The following SAMTOR variants were observed in gnomAD, a reference collection of about 807,000 sequenced individuals.
SAMTOR encodes UPF0532 protein C7orf60.
At chr7:112,939,334 G>T in the SAMTOR span, 5 of 559,420 alleles carry the variant, frequency 8.9e-6, no homozygotes, top group African/African-American at 9.6e-5. Flanking sequence ...TGGGGACAGG[G>T]GCTTGGAGGG....
chr7:112,919,697 G>A, the SAMTOR span, among the ~76,000 whole-genome samples: 111 of 151,462 alleles, frequency 7.3e-4, 1 homozygote, highest in African/African-American at 1.4e-3. Flanking sequence ...TTGATAGACC[G>A]CTAGCAAGAC....
At chr7:112,910,187 GAAT>G in the SAMTOR span, among the ~76,000 whole-genome samples, 1 of 151,714 alleles carries the variant, frequency 6.6e-6, no homozygotes, top group East Asian at 1.9e-4. Flanking sequence ...ATGAAAAATG[GAAT>G]AAATAAAAAT....
chr7:112,934,207 C>A, the SAMTOR span, among the ~76,000 whole-genome samples: 1 of 152,134 alleles, frequency 6.6e-6, no homozygotes, highest in African/African-American at 2.4e-5. Context: ...TTTTCTTCTT[C>A]CAAACTCTAA....
At chr7:112,926,549 T>G in the SAMTOR span, among the ~76,000 whole-genome samples, 1 of 152,198 alleles carries the variant, frequency 6.6e-6, no homozygotes, top group Non-Finnish European at 1.5e-5. Flanking sequence ...AACGATTTCA[T>G]TAACATTGAG....
At chr7:112,855,500 G>C in the SAMTOR span, among the ~76,000 whole-genome samples, 1 of 152,112 alleles carries the variant, frequency 6.6e-6, no homozygotes, top group Admixed American at 6.6e-5. Flanking sequence ...CCTCATTCAG[G>C]TTTTTGGCAG....
chr7:112,861,170 A>G, the SAMTOR span, among the ~76,000 whole-genome samples: 1 of 152,116 alleles, frequency 6.6e-6, no homozygotes, highest in Non-Finnish European at 1.5e-5. Context: ...CAATTATTTC[A>G]TCTCTTATTT....
the SAMTOR span, among the ~76,000 whole-genome samples, chr7:112,928,251 ATTAT>A: frequency 1.3e-5 from 2 of 152,012 alleles, no homozygotes; most frequent in Non-Finnish European, 2.9e-5. Flanking sequence ...GAATCCCTAA[ATTAT>A]TTATTTAGAG....
the SAMTOR span, chr7:112,939,418 C>A: frequency 2.1e-6 from 2 of 952,990 alleles, no homozygotes; most frequent in African/African-American, 3.3e-5. Context: ...CGGGGAGGAG[C>A]GCGTCTGATG....
At chr7:112,844,178 T>C in the SAMTOR span, among the ~76,000 whole-genome samples, 1 of 152,026 alleles carries the variant, frequency 6.6e-6, no homozygotes, top group Admixed American at 6.6e-5. Flanking sequence ...TTATACTGAA[T>C]AGGCAAAAGC....
At chr7:112,847,363 T>A in the SAMTOR span, among the ~76,000 whole-genome samples, 3 of 152,216 alleles carry the variant, frequency 2.0e-5, no homozygotes, top group African/African-American at 7.2e-5. Flanking sequence ...ACCTGGAAAT[T>A]CCAGTATTTT....
the SAMTOR span, among the ~76,000 whole-genome samples, chr7:112,843,708 T>C: frequency 3.0e-4 from 45 of 151,896 alleles, no homozygotes; most frequent in African/African-American, 1.1e-3. Flanking sequence ...TCTACAGCTG[T>C]AGAATTCTAC....
chr7:112,867,524 C>A, the SAMTOR span, among the ~76,000 whole-genome samples: 4 of 152,044 alleles, frequency 2.6e-5, 1 homozygote, highest in Admixed American at 2.0e-4. Context: ...ACTACCCATA[C>A]GTGAAGAAGT....
At chr7:112,929,218 T>G in the SAMTOR span, among the ~76,000 whole-genome samples, 1 of 148,940 alleles carries the variant, frequency 6.7e-6, no homozygotes, top group Non-Finnish European at 1.5e-5. Flanking sequence ...AAAAGATATA[T>G]AAAAAAAACC....
the SAMTOR span, among the ~76,000 whole-genome samples, chr7:112,835,581 C>A: frequency 6.6e-6 from 1 of 152,024 alleles, no homozygotes; most frequent in African/African-American, 2.4e-5. Flanking sequence ...TATTTTGTCA[C>A]CCAGGTAATA....
the SAMTOR span, among the ~76,000 whole-genome samples, chr7:112,865,649 TCATATATATA>T: frequency 2.1e-5 from 3 of 142,422 alleles, no homozygotes; most frequent in Admixed American, 2.2e-4. Flanking sequence ...ATACATATAT[TCATATATATA>T]TTTCATACAT....
the SAMTOR span, among the ~76,000 whole-genome samples, chr7:112,872,558 CA>C: frequency 1.4e-4 from 22 of 151,946 alleles, no homozygotes; most frequent in Non-Finnish European, 2.8e-4. Flanking sequence ...AGAATTGCAA[CA>C]AGACAAAATG....
At chr7:112,837,345 T>C in the SAMTOR span, among the ~76,000 whole-genome samples, 1 of 152,054 alleles carries the variant, frequency 6.6e-6, no homozygotes, top group Non-Finnish European at 1.5e-5. Context: ...GCAGAGACTA[T>C]GGGGTTTTCT....
chr7:112,838,202 T>C, the SAMTOR span, among the ~76,000 whole-genome samples: 1 of 152,080 alleles, frequency 6.6e-6, no homozygotes, highest in Non-Finnish European at 1.5e-5. Flanking sequence ...CAAGTATTGA[T>C]TGTAGGGTTA....
the SAMTOR span, among the ~76,000 whole-genome samples, chr7:112,876,301 T>C: frequency 6.6e-5 from 10 of 152,158 alleles, no homozygotes; most frequent in Admixed American, 3.3e-4. Context: ...TTTTTGAACG[T>C]GTTTCTTAGG....
Sources: allele counts gnomAD v4.1 joint callset (sites outside exome capture counted in the v4.1 genomes callset), GRCh38; gene constraint gnomAD v4.1.1; transcripts MANE v1.5; gene names NCBI Gene and HGNC (gene_info 2026-07-23, HGNC 2026-07-21).